The following PTPRG variants were observed in gnomAD, a reference collection of about 807,000 sequenced individuals.
PTPRG encodes receptor-type tyrosine-protein phosphatase gamma.
PTPRG carries 102 observed loss-of-function variants against 165.3 expected under a neutral mutation model. The ratio of observed to expected loss-of-function variants is 0.62; its 90% CI spans 0.53 to 0.73. The LOEUF (loss-of-function observed/expected upper bound fraction) is 0.73. Among genes scored for constraint, PTPRG ranks in the 30% least tolerant of loss-of-function variants. PTPRG has a pLI of 0.00. For missense variants in PTPRG, 1,866 were observed against 1,861.4 expected, an observed-to-expected ratio of 1.00 and a Z score of -0.05; for synonymous variants, 675 against 669.5, an observed-to-expected ratio of 1.01 and a Z score of -0.13.
intron 4 of PTPRG, among the ~76,000 whole-genome samples, chr3:62,047,726 C>T (rs186323156): frequency 1.6e-4 from 24 of 152,312 alleles, no homozygotes; most frequent in Admixed American, 1.4e-3. Flanking sequence ...CTGAGCTCCT[C>T]AGAGATAGTA....
chr3:62,035,566 C>T (rs777424608), intron 4 of PTPRG, among the ~76,000 whole-genome samples: 1 of 152,212 alleles, frequency 6.6e-6, no homozygotes, highest in African/African-American at 2.4e-5. Flanking sequence ...GTCCCTAGCC[C>T]TGTCTCTGAA....
At chr3:61,682,097 C>T (rs768282487) in intron 1 of PTPRG, among the ~76,000 whole-genome samples, 4 of 129,910 alleles carry the variant, frequency 3.1e-5, no homozygotes, top group Non-Finnish European at 6.2e-5. Flanking sequence ...TGCAGTGAGC[C>T]GAGATTGTGT....
chr3:61,947,249 A>C (rs970217899), intron 2 of PTPRG, among the ~76,000 whole-genome samples: 4 of 152,214 alleles, frequency 2.6e-5, no homozygotes, highest in Non-Finnish European at 5.9e-5. Context: ...TGTAATGAGC[A>C]TCTGTTCAAA....
chr3:62,219,159 C>T lies in PTPRG; in HGVS notation c.2288+176C>T, dbSNP rs1361763946. On this transcript the variant is annotated intron_variant, in intron 13 of 29. Coordinates refer to ENST00000474889, the MANE Select transcript of PTPRG (RefSeq NM_002841.4). The surrounding 1 kb of genome is among the most constrained non-coding windows in gnomAD (Gnocchi z 4.5). ...TGTTAGATGATGGCAGGGCCAGATCCACTTTTGAGGTCAAGGCATTTATGG... is the reference window on the plus strand; with the variant it reads ...TGTTAGATGATGGCAGGGCCAGATCTACTTTTGAGGTCAAGGCATTTATGG... Among the ~76,000 whole-genome samples, 1 of 152,186 alleles carries T rather than the reference C, an allele frequency of 6.6e-6. No homozygotes were observed. The highest frequency in any genetic ancestry group is 6.5e-5 in the Admixed American group (1 of 15,286).
chr3:61,949,150 T>G (rs2039836332), intron 2 of PTPRG, among the ~76,000 whole-genome samples: 1 of 150,530 alleles, frequency 6.6e-6, no homozygotes, highest in African/African-American at 2.4e-5. Flanking sequence ...ATTAGTAGAG[T>G]ATGACCTGAT....
At chr3:61,835,175 G>A (rs937404099) in intron 2 of PTPRG, among the ~76,000 whole-genome samples, 1 of 152,132 alleles carries the variant, frequency 6.6e-6, no homozygotes, top group Non-Finnish European at 1.5e-5. Context: ...TGTGGCAGAG[G>A]CAGGCTGCCT....
At chr3:61,813,904 T>TG (rs1326833093) in intron 2 of PTPRG, among the ~76,000 whole-genome samples, 57 of 150,444 alleles carry the variant, frequency 3.8e-4, no homozygotes, top group Middle Eastern at 3.4e-3. Flanking sequence ...TTTTTTTTTT[T>TG]TGGGGGGGGT....
intron 2 of PTPRG, among the ~76,000 whole-genome samples, chr3:61,794,054 T>C (rs1323822573): frequency 6.6e-6 from 1 of 152,208 alleles, no homozygotes. Context: ...CTGCTTAGTG[T>C]TGGAGAAAGG....
chr3:61,993,041 C>G (rs550984687), intron 3 of PTPRG, among the ~76,000 whole-genome samples: 1 of 151,970 alleles, frequency 6.6e-6, no homozygotes, highest in African/African-American at 2.4e-5. Flanking sequence ...TTTATTTGCT[C>G]TGTTTTGTCT....
intron 2 of PTPRG, among the ~76,000 whole-genome samples, chr3:61,853,377 C>T (rs368287727): frequency 1.1e-4 from 17 of 152,288 alleles, no homozygotes; most frequent in African/African-American, 3.6e-4. Context: ...AAAGGAATTG[C>T]GGCTTCTGCC....
chr3:62,280,787 G>A (rs868851821), intron 26 of PTPRG, among the ~76,000 whole-genome samples: 4 of 151,912 alleles, frequency 2.6e-5, no homozygotes, highest in Admixed American at 6.6e-5. Context: ...ATTAGCAATC[G>A]CCAAGATACG....
chr3:61,893,241 G>T (rs1559673962), intron 2 of PTPRG, among the ~76,000 whole-genome samples: 1 of 152,346 alleles, frequency 6.6e-6, no homozygotes, highest in East Asian at 1.9e-4. Context: ...GCAAGCTGCT[G>T]AAAGATGTTC....
chr3:61,638,045 G>T (rs764550647), intron 1 of PTPRG, among the ~76,000 whole-genome samples: 2 of 152,128 alleles, frequency 1.3e-5, no homozygotes, highest in Non-Finnish European at 2.9e-5. Context: ...AAAATTCTTG[G>T]TTATCTTTTA....
At chr3:61,837,138 C>G (rs566592163) in intron 2 of PTPRG, among the ~76,000 whole-genome samples, 1 of 152,338 alleles carries the variant, frequency 6.6e-6, no homozygotes, top group East Asian at 1.9e-4. Context: ...GTCTTGTACT[C>G]CTGACCTCAG....
rs76835726 is a variant in PTPRG at position 61,734,527 on chromosome 3, G to C, written c.86-14351G>C. 3.2e-3 allele frequency among the ~76,000 whole-genome samples: 483 copies of C among 152,252 alleles called. 3 individuals carry two copies. The highest frequency in any genetic ancestry group is 0.011 in the South Asian group (54 of 4,820). On this transcript the variant is annotated intron_variant, in intron 1 of 29. Transcript: ENST00000474889. ...TTCAGAATTCACCCAGGATTTCTGT[G>C]ATCTGCGGTTCTTTGGCTTTGGCAC...
At chr3:61,811,862 C>T (rs1323155331) in intron 2 of PTPRG, among the ~76,000 whole-genome samples, 2 of 152,150 alleles carry the variant, frequency 1.3e-5, no homozygotes, top group Non-Finnish European at 2.9e-5. Flanking sequence ...TTATTTTGTT[C>T]CTCTGCCAGT....
At chr3:61,999,564 C>T (rs991763096) in intron 3 of PTPRG, among the ~76,000 whole-genome samples, 8 of 152,146 alleles carry the variant, frequency 5.3e-5, no homozygotes, top group African/African-American at 1.7e-4. Flanking sequence ...GTGCCTTATC[C>T]AGATTCAACT....
intron 2 of PTPRG, among the ~76,000 whole-genome samples, chr3:61,900,204 C>G (rs889743663): frequency 6.6e-6 from 1 of 151,944 alleles, no homozygotes; most frequent in South Asian, 2.1e-4. Flanking sequence ...GTTGTAATGT[C>G]GTCGTTTATC....
At chr3:61,784,131 G>A (rs928750956) in intron 2 of PTPRG, among the ~76,000 whole-genome samples, 3 of 152,164 alleles carry the variant, frequency 2.0e-5, no homozygotes, top group South Asian at 2.1e-4. Flanking sequence ...GGACCTAAGA[G>A]CAGTGGGTGA....
Sources: gnomAD v4.1 joint callset for allele counts (sites outside exome capture counted in the v4.1 genomes callset) on GRCh38, gnomAD v4.1.1 for gene constraint, Gnocchi (gnomAD v3.1) non-coding constraint, MANE v1.5 for transcripts, NCBI Gene and HGNC (gene_info 2026-07-23, HGNC 2026-07-21) for gene names.